POFUT2: variants seen among roughly 807,000 people sequenced by gnomAD.
POFUT2 encodes GDP-fucose protein O-fucosyltransferase 2.
In POFUT2, 30 loss-of-function variants were observed where a neutral mutation model predicts 55.0. The observed-to-expected ratio is 0.55, with a 90% CI of 0.41 to 0.74. The LOEUF (loss-of-function observed/expected upper bound fraction) is 0.74. Ranked by LOEUF, POFUT2 falls within the 30% of genes least tolerant of loss-of-function variation. The pLI is 0.00. For missense variants in POFUT2, 524 were observed against 562.6 expected, an observed-to-expected ratio of 0.93 and a Z score of 0.69; for synonymous variants, 267 against 231.1, an observed-to-expected ratio of 1.16 and a Z score of -1.41.
intron 7 of POFUT2, among the ~76,000 whole-genome samples, chr21:45,268,634 C>G: frequency 6.6e-6 from 1 of 151,776 alleles, no homozygotes. Context: ...TCTGCCCCGC[C>G]GCCCCATCTG....
chr21:45,264,782 T>G lies in POFUT2; in HGVS notation c.*700A>C, dbSNP rs2093139536. ...GGTGTGAGGAGCAGAGCTGCAAGTT[T>G]CCTACAGACAATCCACTGAGTGCCC... On this transcript the variant is annotated 3_prime_UTR_variant, in exon 9 of 9. Transcript: ENST00000349485. The G allele has an allele frequency of 6.6e-6, 1 of 152,532 alleles. No individual in the cohort carries two copies. The highest frequency in any genetic ancestry group is 6.5e-5 in the Admixed American group (1 of 15,280). 9.4% of individuals were successfully genotyped at this position (152,532 alleles called of 1,614,324 possible). A position where few individuals can be genotyped will look rare whatever the true frequency, so the allele number is the denominator to read the frequency against.
intron 7 of POFUT2, among the ~76,000 whole-genome samples, chr21:45,268,396 G>A (rs1166870084): frequency 1.3e-5 from 2 of 151,628 alleles, no homozygotes; most frequent in Non-Finnish European, 2.9e-5. Context: ...GCCTCTGCCC[G>A]GCCGCCACCC....
rs756888106 is a variant in POFUT2 at position 45,270,005 on chromosome 21, G to A, written c.846C>T (p.Ser282=). Reference sequence around the variant, plus strand: ...CTCCCAGGTAGGGGCCCCCTAGCGCGGAGCCCAGCTTGACCTAGCAAAGAA... The same window carrying A: ...CTCCCAGGTAGGGGCCCCCTAGCGCAGAGCCCAGCTTGACCTAGCAAAGAA... ...DWMKMKVKLG[S]ALGGPYLGVH... is the part of the protein sequence containing the mutation. The change falls in exon 7 of 9, where the codon TCC becomes TCT. Residue 282 remains serine (S), a synonymous_variant. Transcript: ENST00000349485. The surrounding 1 kb of genome is among the most constrained non-coding windows in gnomAD (Gnocchi z 4.6). 3.2e-5 allele frequency: 49 copies of A among 1,555,188 alleles called. No individual in the cohort carries two copies. Among genetic ancestry groups the A allele is most frequent in the East Asian group, 2.1e-4 (9 of 42,718 alleles).
Position 45,267,605 on chromosome 21 carries a change from A to T in POFUT2, c.1121T>A (p.Ile374Asn). Reference sequence around the variant, plus strand: ...GGGCAGGCACCTGGCGTGTGCGCAGATCCACTGGTCAATAATCGCAACGCC... The same window carrying T: ...GGGCAGGCACCTGGCGTGTGCGCAGTTCCACTGGTCAATAATCGCAACGCC... ...DGGVAIIDQW[I>N]CAHARFFIGT... is the part of the protein sequence containing the mutation. The change falls in exon 8 of 9, where the codon ATC becomes AAC. Residue 374 changes from isoleucine (I) to asparagine (N), a missense_variant. Ile to Asn is a moderately radical substitution (Grantham distance 149). Around this residue, in one of 2 missense-constraint regions of POFUT2, gnomAD observed 250 missense variants for 318.2 expected, o/e 0.79. Transcript: ENST00000349485. The surrounding 1 kb of genome is among the most constrained non-coding windows in gnomAD (Gnocchi z 4.4). 6.2e-7 allele frequency: 1 copy of T among 1,614,178 alleles called. No individual in the cohort carries two copies. The highest frequency in any genetic ancestry group is 8.5e-7 in the Non-Finnish European group (1 of 1,180,042).
At chr21:45,266,957 C>T (rs1203513100) in intron 8 of POFUT2, 19 of 1,027,750 alleles carry the variant, frequency 1.8e-5, no homozygotes, top group Non-Finnish European at 2.2e-5. Flanking sequence ...GAGGCCCAGG[C>T]GTACCTCCCA....
At position 45,282,256 on chromosome 21, in the gene POFUT2, A is replaced by T; in HGVS notation, c.638+93T>A. ...TGTCTGTGAGGTGGGTGGGCCAGGG[A>T]TGCGGGAGTATGGGCGGAGAGCCCC... On this transcript the variant is annotated intron_variant, in intron 4 of 8. Coordinates refer to ENST00000349485, the MANE Select transcript of POFUT2 (RefSeq NM_133635.6). This position sits in a 1 kb window ranked among gnomAD's most constrained non-coding sequence, Gnocchi z 4.6. 1.2e-6 allele frequency: 1 copy of T among 828,502 alleles called. No individual in the cohort carries two copies. Among genetic ancestry groups the T allele is most frequent in the Non-Finnish European group, 2.0e-6 (1 of 497,024 alleles). 51.3% of individuals were successfully genotyped at this position (828,502 alleles called of 1,614,324 possible).
chr21:45,271,927 AC>A (rs1488951830), intron 6 of POFUT2, among the ~76,000 whole-genome samples: 2 of 152,244 alleles, frequency 1.3e-5, no homozygotes, highest in Admixed American at 1.3e-4. Flanking sequence ...ACCTCAAAAT[AC>A]GCCAAAATAG....
intron 8 of POFUT2, chr21:45,266,223 ATGAACTTCG>A (rs754870370): frequency 5.9e-6 from 8 of 1,367,472 alleles, no homozygotes; most frequent in African/African-American, 3.0e-5. Flanking sequence ...GCGGCACTTC[ATGAACTTCG>A]TGAACAAGCA....
rs1324089329 is a variant in POFUT2, at chr21:45,267,430, G to C, written c.1136+160C>G. On this transcript the variant is annotated intron_variant, in intron 8 of 8. Transcript: ENST00000349485. The surrounding 1 kb of genome is among the most constrained non-coding windows in gnomAD (Gnocchi z 4.4). ...ATTAACTTCAGCCCAGGGAAACACT[G>C]AACCAGATGCTACAGGAGACTCAGA... 6.2e-7 allele frequency: 1 copy of C among 1,612,212 alleles called. No individual in the cohort carries two copies. Among genetic ancestry groups the C allele is most frequent in the Non-Finnish European group, 8.5e-7 (1 of 1,178,548 alleles).
chr21:45,271,697 A>G (rs2093220887), intron 6 of POFUT2, among the ~76,000 whole-genome samples: 1 of 152,254 alleles, frequency 6.6e-6, no homozygotes, highest in Non-Finnish European at 1.5e-5. Flanking sequence ...TTCACAGCAG[A>G]TTTCTCAGCA....
At chr21:45,280,172 T>G (rs2030427300) in intron 4 of POFUT2, among the ~76,000 whole-genome samples, 1 of 152,228 alleles carries the variant, frequency 6.6e-6, no homozygotes, top group African/African-American at 2.4e-5. Context: ...AAGAAAGCGC[T>G]TCACACACTT....
In POFUT2 at chr21:45,267,068, CCGGCCTCGGGGACGCTCA is replaced by C; in HGVS notation, c.1136+504_1136+521del. 1 of 1,114,064 alleles carries C rather than the reference CCGGCCTCGGGGACGCTCA, an allele frequency of 9.0e-7. No individual in the cohort carries two copies. The allele number at this position is 1,114,064 out of a possible 1,614,324, so 69.0% of individuals were successfully genotyped here. A position where few individuals can be genotyped will look rare whatever the true frequency, so the allele number is the denominator to read the frequency against. ...AATGATCACACGAGGGCCCACGCTC[CCGGCCTCGGGGACGCTCA>C]CGGCAGCCCCACAAGAACGATCACA... On this transcript the variant is annotated intron_variant, in intron 8 of 8. Transcript: ENST00000349485. This position sits in a 1 kb window ranked among gnomAD's most constrained non-coding sequence, Gnocchi z 4.4.
chr21:45,282,718 C>T lies in POFUT2; in HGVS notation c.528-259G>A. On this transcript the variant is annotated intron_variant, in intron 3 of 8. Transcript: ENST00000349485. The surrounding 1 kb of genome is among the most constrained non-coding windows in gnomAD (Gnocchi z 4.6). ...GGGATGGCCGGGGAGGCAGAGGGAG[C>T]CGGACAGAGGCAGCCCTGTGCACCT... is the stretch of plus-strand genomic sequence containing the variant. The T allele has an allele frequency of 1.9e-6, 1 of 540,148 alleles. No homozygotes were observed. The highest frequency in any genetic ancestry group is 2.5e-5 in the Admixed American group (1 of 40,802). 33.5% of individuals were successfully genotyped at this position (540,148 alleles called of 1,614,324 possible).
Position 45,277,261 on chromosome 21 carries a change from A to G in POFUT2, c.706-119T>C, listed in dbSNP as rs1250526784. 1 of 1,315,178 alleles carries G rather than the reference A, an allele frequency of 7.6e-7. No homozygotes were observed. The highest frequency in any genetic ancestry group is 2.5e-5 in the East Asian group (1 of 40,060). The allele number at this position is 1,315,178 out of a possible 1,614,324, so 81.5% of individuals were successfully genotyped here. On this transcript the variant is annotated intron_variant, in intron 5 of 8. Coordinates refer to ENST00000349485, the MANE Select transcript of POFUT2 (RefSeq NM_133635.6). The surrounding 1 kb of genome is among the most constrained non-coding windows in gnomAD (Gnocchi z 6.9). Reference sequence around the variant, plus strand: ...CGCAGCTGGAACAAGCCCCTCAGACACGTCATCCACGGTCGCCTGAGAAGC... The same window carrying G: ...CGCAGCTGGAACAAGCCCCTCAGACGCGTCATCCACGGTCGCCTGAGAAGC...
At position 45,267,535 on chromosome 21, in the gene POFUT2, G is replaced by A. The variant is rs1316496102; in HGVS notation, c.1136+55C>T. Reference sequence around the variant, plus strand: ...CTGACACCGAGTACTTGGGACAGAAGAACCTTTGAAAGCCACCCGACCCGC... The same window carrying A: ...CTGACACCGAGTACTTGGGACAGAAAAACCTTTGAAAGCCACCCGACCCGC... On this transcript the variant is annotated intron_variant, in intron 8 of 8. Transcript: ENST00000349485. The surrounding 1 kb of genome is among the most constrained non-coding windows in gnomAD (Gnocchi z 4.4). 1.2e-6 allele frequency: 2 copies of A among 1,614,150 alleles called. No homozygotes were observed. The highest frequency in any genetic ancestry group is 2.2e-5 in the South Asian group (2 of 91,082).
chr21:45,280,850 T>C (rs2030550439), intron 4 of POFUT2, among the ~76,000 whole-genome samples: 1 of 151,946 alleles, frequency 6.6e-6, no homozygotes, highest in South Asian at 2.1e-4. Flanking sequence ...GTCTCCTGTA[T>C]CCCAGAGAGT....
At chr21:45,278,450 G>A (rs979298112) in intron 4 of POFUT2, among the ~76,000 whole-genome samples, 1 of 152,228 alleles carries the variant, frequency 6.6e-6, no homozygotes, top group African/African-American at 2.4e-5. Context: ...TTTGACAGTG[G>A]GCAAAAGGCT....
At chr21:45,276,956 T>G (rs888324923) in intron 6 of POFUT2, 61 bp downstream of exon 6, 1 of 1,571,904 alleles carries the variant, frequency 6.4e-7, no homozygotes, top group African/African-American at 1.3e-5. Flanking sequence ...AAGGCCTGAG[T>G]GTGGGGCATC....
chr21:45,267,330 G>A lies in POFUT2; in HGVS notation c.1136+260C>T. Reference sequence around the variant, plus strand: ...AAAATGCGACACAAGAAGAGGTTCTGAGACGAGGCCAGCTATGCCAACAGC... The same window carrying A: ...AAAATGCGACACAAGAAGAGGTTCTAAGACGAGGCCAGCTATGCCAACAGC... On this transcript the variant is annotated intron_variant, in intron 8 of 8. Coordinates refer to ENST00000349485, the MANE Select transcript of POFUT2 (RefSeq NM_133635.6). This position sits in a 1 kb window ranked among gnomAD's most constrained non-coding sequence, Gnocchi z 4.4. The A allele has an allele frequency of 6.6e-7, 1 of 1,509,344 alleles. No individual in the cohort carries two copies. The highest frequency in any genetic ancestry group is 1.4e-5 in the African/African-American group (1 of 72,272). 93.5% of individuals were successfully genotyped at this position (1,509,344 alleles called of 1,614,324 possible). A position where few individuals can be genotyped will look rare whatever the true frequency, so the allele number is the denominator to read the frequency against.
Sources: allele counts gnomAD v4.1 joint callset (sites outside exome capture counted in the v4.1 genomes callset), GRCh38; gene constraint gnomAD v4.1.1; regional missense constraint gnomAD v4.1.1; non-coding constraint Gnocchi (gnomAD v3.1); transcripts MANE v1.5; gene names NCBI Gene and HGNC (gene_info 2026-07-23, HGNC 2026-07-21).